The following TRPM3 variants were observed in gnomAD, a reference collection of about 807,000 sequenced individuals.
The protein encoded by TRPM3 is long transient receptor potential channel 3.
Under a neutral mutation model 181.2 loss-of-function variants are expected in TRPM3, and 77 were observed. That is an observed-to-expected ratio of 0.42 (90% CI 0.35 to 0.51). The LOEUF (loss-of-function observed/expected upper bound fraction) is 0.51. TRPM3 is among the 20% of genes least tolerant of loss of function. The probability of loss-of-function intolerance (pLI) is 0.01; values close to 1 mark genes in which losing one functional copy is unlikely to be tolerated. For missense variants in TRPM3, 1,759 were observed against 2,196.7 expected (o/e 0.80, Z 3.98); for synonymous variants, 745 against 796.4 (o/e 0.94, Z 1.09).
intron 25 of TRPM3, among the ~76,000 whole-genome samples, chr9:70,547,726 G>T (rs545817322): frequency 1.3e-5 from 2 of 152,220 alleles, no homozygotes; most frequent in East Asian, 3.9e-4. Flanking sequence ...CTAGGACACA[G>T]GGAAGGTGGG....
At chr9:70,969,059 A>T (rs1420004577) in intron 1 of TRPM3, among the ~76,000 whole-genome samples, 1 of 152,210 alleles carries the variant, frequency 6.6e-6, no homozygotes, top group African/African-American at 2.4e-5. Context: ...AGAAACTATC[A>T]TCGGACTGAT....
At chr9:71,311,116 A>G (rs1050003915) in intron 1 of TRPM3, among the ~76,000 whole-genome samples, 3 of 152,122 alleles carry the variant, frequency 2.0e-5, no homozygotes, top group African/African-American at 7.2e-5. Context: ...TAAAGAAAAT[A>G]TAAAAAAGAA....
At chr9:71,413,055 A>C (rs928221312) in intron 1 of TRPM3, among the ~76,000 whole-genome samples, 1 of 152,124 alleles carries the variant, frequency 6.6e-6, no homozygotes, top group African/African-American at 2.4e-5. Context: ...CAATGAGAAC[A>C]CTTGGACACA....
At chr9:70,958,193 A>G (rs1333729902) in intron 1 of TRPM3, among the ~76,000 whole-genome samples, 2 of 152,168 alleles carry the variant, frequency 1.3e-5, no homozygotes, top group Non-Finnish European at 2.9e-5. Context: ...TACCCCAAGC[A>G]TGGGAAACAG....
chr9:70,624,805 GTTT>G (rs1331193329), intron 14 of TRPM3, among the ~76,000 whole-genome samples: 5 of 152,068 alleles, frequency 3.3e-5, no homozygotes, highest in Non-Finnish European at 7.4e-5. Flanking sequence ...TTGAAAATAT[GTTT>G]TTGTTTGTAA....
intron 1 of TRPM3, among the ~76,000 whole-genome samples, chr9:71,024,090 T>C (rs186498915): frequency 7.9e-5 from 12 of 152,320 alleles, no homozygotes; most frequent in Admixed American, 7.2e-4. Context: ...AAATGTATCA[T>C]TGGGAGAAAT....
chr9:71,121,618 GA>G lies in TRPM3; in HGVS notation c.-265del, dbSNP rs1316424318. The G allele has an allele frequency of 8.2e-7, 1 of 1,223,122 alleles. No homozygotes were observed. Among genetic ancestry groups the G allele is most frequent in the Non-Finnish European group, 1.0e-6 (1 of 980,142 alleles). 75.8% of individuals were successfully genotyped at this position (1,223,122 alleles called of 1,614,324 possible). A position where few individuals can be genotyped will look rare whatever the true frequency, so the allele number is the denominator to read the frequency against. Reference sequence around the variant, plus strand: ...GTCGGAGTCAAAGCAGCCTGCTCCAGAATGCGCGCTCCCTCTCCCGCTCTCC... The same window carrying G: ...GTCGGAGTCAAAGCAGCCTGCTCCAGATGCGCGCTCCCTCTCCCGCTCTCC... On this transcript the variant is annotated 5_prime_UTR_variant, in exon 1 of 26. Coordinates refer to ENST00000677713, the MANE Select transcript of TRPM3 (RefSeq NM_001366145.2).
chr9:71,274,843 T>A (rs1199851864), intron 1 of TRPM3, among the ~76,000 whole-genome samples: 1 of 152,236 alleles, frequency 6.6e-6, no homozygotes, highest in Non-Finnish European at 1.5e-5. Context: ...TAGTTTAACA[T>A]CCTCTCCTTC....
chr9:70,583,291 G>C (rs1456890536), intron 22 of TRPM3, among the ~76,000 whole-genome samples: 3 of 152,230 alleles, frequency 2.0e-5, no homozygotes, highest in African/African-American at 7.2e-5. Context: ...GTGTATGAGA[G>C]TGAACGCTAC....
chr9:70,764,327 A>G (rs1738858008), intron 7 of TRPM3, among the ~76,000 whole-genome samples: 1 of 152,200 alleles, frequency 6.6e-6, no homozygotes, highest in African/African-American at 2.4e-5. Flanking sequence ...GATTAACAAC[A>G]GAAAGGATTC....
intron 25 of TRPM3, among the ~76,000 whole-genome samples, chr9:70,548,383 T>C (rs937459847): frequency 6.6e-6 from 1 of 152,236 alleles, no homozygotes; most frequent in African/African-American, 2.4e-5. Flanking sequence ...TAATGGCATA[T>C]GTGTATATAC....
chr9:70,682,623 G>A (rs2065762459), intron 8 of TRPM3, among the ~76,000 whole-genome samples: 1 of 152,184 alleles, frequency 6.6e-6, no homozygotes, highest in African/African-American at 2.4e-5. Flanking sequence ...ACATAGTTAT[G>A]TGGCCTCAGG....
intron 1 of TRPM3, among the ~76,000 whole-genome samples, chr9:71,165,485 G>A (rs568153770): frequency 6.6e-6 from 1 of 152,212 alleles, no homozygotes; most frequent in Non-Finnish European, 1.5e-5. Flanking sequence ...ACAGCATGTT[G>A]AGTGGGACCT....
intron 25 of TRPM3, among the ~76,000 whole-genome samples, chr9:70,546,730 T>C (rs374477755): frequency 2.6e-5 from 4 of 151,688 alleles, no homozygotes; most frequent in South Asian, 4.2e-4. Flanking sequence ...ATGAAAAGCT[T>C]GGTTATTTGA....
intron 1 of TRPM3, among the ~76,000 whole-genome samples, chr9:70,997,863 T>C (rs971739980): frequency 6.6e-6 from 1 of 152,090 alleles, no homozygotes; most frequent in Non-Finnish European, 1.5e-5. Context: ...TGTGCCTACC[T>C]TCTCTGAATC....
chr9:70,888,434 TTAAGA>T (rs1386765282), intron 1 of TRPM3, among the ~76,000 whole-genome samples: 2 of 150,144 alleles, frequency 1.3e-5, no homozygotes, highest in African/African-American at 4.9e-5. Flanking sequence ...TTCTGGATAA[TTAAGA>T]TAAAGTTAGA....
chr9:70,555,383 GT>G (rs2047429197), intron 22 of TRPM3, among the ~76,000 whole-genome samples: 1 of 152,196 alleles, frequency 6.6e-6, no homozygotes, highest in South Asian at 2.1e-4. Flanking sequence ...TTATTCGTCT[GT>G]ATTCCACACA....
intron 6 of TRPM3, 98 bp from the exon 7 acceptor site, chr9:70,784,377 A>C (rs775511990): frequency 2.4e-5 from 32 of 1,312,318 alleles, no homozygotes; most frequent in Non-Finnish European, 3.0e-5. Context: ...ACAAACTAAA[A>C]TTACTGAGCA....
At chr9:71,422,661 G>C (rs760369645) in intron 1 of TRPM3, among the ~76,000 whole-genome samples, 3 of 151,964 alleles carry the variant, frequency 2.0e-5, no homozygotes, top group Non-Finnish European at 4.4e-5. Context: ...TTCCAGGATT[G>C]CTAAATTAAA....
Sources: allele counts gnomAD v4.1 joint callset (sites outside exome capture counted in the v4.1 genomes callset), GRCh38; gene constraint gnomAD v4.1.1; transcripts MANE v1.5; gene names NCBI Gene and HGNC (gene_info 2026-07-23, HGNC 2026-07-21).